Variants in MTCH2 observed in about 807,000 individuals in gnomAD.
MTCH2 encodes mitochondrial carrier homolog 2.
In MTCH2, 25 loss-of-function variants were observed where a neutral mutation model predicts 50.6. That is an observed-to-expected ratio of 0.49 (90% CI 0.36 to 0.69). The LOEUF (loss-of-function observed/expected upper bound fraction) is 0.69, where lower values mean the gene tolerates loss of function less well. MTCH2 is among the 30% of genes least tolerant of loss of function. The pLI, the probability that MTCH2 is intolerant of heterozygous loss-of-function variation, is 0.00. For missense variants in MTCH2, 273 were observed against 384.4 expected, an observed-to-expected ratio of 0.71 and a Z score of 2.42; for synonymous variants, 106 against 132.0, an observed-to-expected ratio of 0.80 and a Z score of 1.35.
At position 47,618,819 on chromosome 11, in the gene MTCH2, C is replaced by T. The variant is rs1185921706; in HGVS notation, c.*14G>A. 3.1e-6 allele frequency: 5 copies of T among 1,609,224 alleles called. No individual in the cohort carries two copies. Among genetic ancestry groups the T allele is most frequent in the Non-Finnish European group, 3.4e-6 (4 of 1,175,644 alleles). ...CTGGGACTACAGAAATGTCACTGTC[C>T]CTGCCCCACATCTTCAAATTAACAT... On this transcript the variant is annotated 3_prime_UTR_variant, in exon 13 of 13. Coordinates refer to ENST00000302503, the MANE Select transcript of MTCH2 (RefSeq NM_014342.4).
chr11:47,625,122 AAAT>A (rs1159504600), intron 11 of MTCH2, among the ~76,000 whole-genome samples: 3 of 151,096 alleles, frequency 2.0e-5, no homozygotes, highest in African/African-American at 7.3e-5. Flanking sequence ...CAAAAACTAT[AAAT>A]AATAATAGTA....
chr11:47,631,743 T>G, intron 5 of MTCH2, 32 bp from the exon 6 acceptor site: 1 of 1,612,186 alleles, frequency 6.2e-7, no homozygotes, highest in East Asian at 2.2e-5. Context: ...TTCTGAAATC[T>G]AAACAAATGA....
chr11:47,621,636 C>T (rs181678328), intron 12 of MTCH2, among the ~76,000 whole-genome samples: 1 of 152,030 alleles, frequency 6.6e-6, no homozygotes, highest in Non-Finnish European at 1.5e-5. Flanking sequence ...GGTTTCACTG[C>T]GTTGCCCAGG....
chr11:47,626,957 G>C, intron 10 of MTCH2, 123 bp downstream of exon 10: 2 of 724,320 alleles, frequency 2.8e-6, no homozygotes, highest in Non-Finnish European at 4.5e-6. Flanking sequence ...ACAAATTTCA[G>C]GGAGATGTCC....
At chr11:47,625,335 A>G (rs1278689663) in intron 11 of MTCH2, among the ~76,000 whole-genome samples, 2 of 151,510 alleles carry the variant, frequency 1.3e-5, no homozygotes, top group African/African-American at 4.9e-5. Context: ...AGGCGGGACA[A>G]TCACTTGAAT....
At chr11:47,619,335 C>T (rs1429944068) in intron 12 of MTCH2, among the ~76,000 whole-genome samples, 2 of 152,150 alleles carry the variant, frequency 1.3e-5, no homozygotes, top group African/African-American at 2.4e-5. Flanking sequence ...CTCCCAGGTT[C>T]AAGCGATTCT....
chr11:47,608,468 G>T, the MTCH2 span, among the ~76,000 whole-genome samples: 1 of 152,142 alleles, frequency 6.6e-6, no homozygotes, highest in South Asian at 2.1e-4. Flanking sequence ...TAAAACACTT[G>T]TGACTGCAGA....
chr11:47,612,356 A>G (rs1041832460), downstream of MTCH2, among the ~76,000 whole-genome samples: 2 of 152,036 alleles, frequency 1.3e-5, no homozygotes, highest in African/African-American at 4.8e-5. Flanking sequence ...TCATGAGGTC[A>G]GGAGATCAAG....
the MTCH2 span, among the ~76,000 whole-genome samples, chr11:47,604,345 T>C: frequency 6.6e-6 from 1 of 151,926 alleles, no homozygotes; most frequent in Admixed American, 6.6e-5. Context: ...CTGTCAAAGA[T>C]CAATGAGGTT....
intron 8 of MTCH2, among the ~76,000 whole-genome samples, chr11:47,630,163 G>C (rs1307829524): frequency 6.6e-6 from 1 of 152,110 alleles, no homozygotes; most frequent in Non-Finnish European, 1.5e-5. Context: ...CGAGTAGCTG[G>C]GATTACAGGC....
chr11:47,612,672 G>A (rs1472642694), downstream of MTCH2, among the ~76,000 whole-genome samples: 1 of 151,230 alleles, frequency 6.6e-6, no homozygotes, highest in Non-Finnish European at 1.5e-5. Context: ...GCAGTGAGCT[G>A]AGACTGCACC....
chr11:47,624,612 G>A (rs2153798900), intron 11 of MTCH2, among the ~76,000 whole-genome samples: 1 of 152,114 alleles, frequency 6.6e-6, no homozygotes, highest in East Asian at 1.9e-4. Context: ...AACAGCCTGG[G>A]CAACAAAGTG....
At chr11:47,634,769 A>AT (rs139407275) in intron 4 of MTCH2, 35 bp from the exon 5 acceptor site, 126,743 of 731,384 alleles carry the variant, frequency 0.17, 1,369 homozygotes, top group Non-Finnish European at 0.19. Context: ...AGAGATCTTG[A>AT]TTTTTTTTTT....
At position 47,618,728 on chromosome 11, in the gene MTCH2, A is replaced by G; in HGVS notation, c.*105T>C. 1 of 1,162,228 alleles carries G rather than the reference A, an allele frequency of 8.6e-7. No individual in the cohort carries two copies. The highest frequency in any genetic ancestry group is 1.3e-5 in the South Asian group (1 of 77,096). 72.0% of individuals were successfully genotyped at this position (1,162,228 alleles called of 1,614,324 possible). ...AAACACCTGAATTTTCCCAAGATTAAATGATTATTAAAAAAGCGCGCCACA... is the reference window on the plus strand; with the variant it reads ...AAACACCTGAATTTTCCCAAGATTAGATGATTATTAAAAAAGCGCGCCACA... On this transcript the variant is annotated 3_prime_UTR_variant, in exon 13 of 13. Transcript: ENST00000302503.
At chr11:47,627,669 T>C (rs2097299360) in intron 9 of MTCH2, among the ~76,000 whole-genome samples, 2 of 151,726 alleles carry the variant, frequency 1.3e-5, no homozygotes, top group Admixed American at 1.3e-4. Flanking sequence ...TCTCTCTTGT[T>C]GCCCAGGCTG....
chr11:47,628,425 G>C (rs1331379427), intron 9 of MTCH2, among the ~76,000 whole-genome samples: 1 of 152,226 alleles, frequency 6.6e-6, no homozygotes, highest in South Asian at 2.1e-4. Flanking sequence ...CACATCTTAC[G>C]GACTTTTAAC....
intron 5 of MTCH2, 69 bp from the exon 6 acceptor site, chr11:47,631,780 T>C: frequency 6.5e-7 from 1 of 1,529,962 alleles, no homozygotes; most frequent in East Asian, 2.3e-5. Flanking sequence ...AGAAGGAATG[T>C]GGGTGGATAT....
chr11:47,611,263 G>T, the MTCH2 span, among the ~76,000 whole-genome samples: 1 of 152,224 alleles, frequency 6.6e-6, no homozygotes, highest in Admixed American at 6.5e-5. Context: ...AGCCCCTCAG[G>T]GGGAGGAAAG....
At chr11:47,632,757 G>T (rs1218994079) in intron 5 of MTCH2, among the ~76,000 whole-genome samples, 1 of 151,840 alleles carries the variant, frequency 6.6e-6, no homozygotes, top group African/African-American at 2.4e-5. Context: ...GGAGTGCAGT[G>T]GTGCGATCTC....
Sources: gnomAD v4.1 joint callset for allele counts (sites outside exome capture counted in the v4.1 genomes callset) on GRCh38, gnomAD v4.1.1 for gene constraint, MANE v1.5 for transcripts, NCBI Gene and HGNC (gene_info 2026-07-23, HGNC 2026-07-21) for gene names.